The following NAV2 variants were observed in gnomAD, a reference collection of about 807,000 sequenced individuals.
NAV2 encodes neuron navigator 2.
In NAV2, 54 loss-of-function variants were observed where a neutral mutation model predicts 223.2. That is an observed-to-expected ratio of 0.24 (90% CI 0.19 to 0.30). The LOEUF is 0.30. NAV2 is among the 10% of genes least tolerant of loss of function. The pLI is 1.00. For synonymous variants in NAV2, 1,279 were observed against 1,239.3 expected (o/e 1.03, Z -0.67); for missense variants, 2,806 against 3,147.5 (o/e 0.89, Z 2.60).
At chr11:20,115,051 T>C (rs1322350660) in intron 37 of NAV2, among the ~76,000 whole-genome samples, 1 of 152,188 alleles carries the variant, frequency 6.6e-6, no homozygotes, top group Non-Finnish European at 1.5e-5. Context: ...AATGTTCTTA[T>C]ACCTACTGTC....
chr11:19,440,711 T>C (rs1400717071), intron 1 of NAV2, among the ~76,000 whole-genome samples: 1 of 152,124 alleles, frequency 6.6e-6, no homozygotes, highest in African/African-American at 2.4e-5. Context: ...TGAACCTGAC[T>C]GCCCAGTCTA....
chr11:19,952,322 G>A (rs1366977334), intron 10 of NAV2, among the ~76,000 whole-genome samples: 1 of 152,174 alleles, frequency 6.6e-6, no homozygotes, highest in Non-Finnish European at 1.5e-5. Flanking sequence ...GTGACGTTAG[G>A]CATGTCATTT....
rs574100013 is a variant in NAV2, at chr11:19,871,423, G to T, written c.511+2426G>T. 4.6e-5 allele frequency among the ~76,000 whole-genome samples: 7 copies of T among 152,222 alleles called. No homozygotes were observed. In the South Asian group the frequency reaches 6.2e-4, roughly 14 times the overall value. ...CCCCTTCCCATGTTCTTGTGCCAGAGCCCCCAGGATTGAGGCAGCACAGAG... is the reference window on the plus strand; with the variant it reads ...CCCCTTCCCATGTTCTTGTGCCAGATCCCCCAGGATTGAGGCAGCACAGAG... On this transcript the variant is annotated intron_variant, in intron 4 of 37. Coordinates refer to ENST00000349880, the MANE Select transcript of NAV2 (RefSeq NM_145117.5).
At chr11:19,436,154 T>C (rs1386664968) in intron 1 of NAV2, among the ~76,000 whole-genome samples, 2 of 152,306 alleles carry the variant, frequency 1.3e-5, no homozygotes, top group African/African-American at 4.8e-5. Context: ...ACAAGCATCA[T>C]AGAGCTTTTC....
At chr11:19,603,152 G>A (rs2046391990) in intron 1 of NAV2, among the ~76,000 whole-genome samples, 1 of 152,212 alleles carries the variant, frequency 6.6e-6, no homozygotes, top group Non-Finnish European at 1.5e-5. Flanking sequence ...GGGCAGCAGG[G>A]AGGTCCACTG....
intron 26 of NAV2, 107 bp downstream of exon 26, chr11:20,083,286 A>G: frequency 2.2e-6 from 2 of 895,470 alleles, no homozygotes; most frequent in Non-Finnish European, 3.4e-6. Context: ...GGGATCCTTT[A>G]TGCTTTGCTT....
chr11:19,946,929 A>G (rs915874561), intron 9 of NAV2, among the ~76,000 whole-genome samples: 1 of 152,252 alleles, frequency 6.6e-6, no homozygotes, highest in Non-Finnish European at 1.5e-5. Context: ...TACATAAAAC[A>G]TGTAAGGAAA....
At chr11:19,512,417 C>G (rs2043308289) in intron 1 of NAV2, among the ~76,000 whole-genome samples, 1 of 152,140 alleles carries the variant, frequency 6.6e-6, no homozygotes, top group East Asian at 1.9e-4. Context: ...GTAAATGCCT[C>G]CGAGGTGCCA....
chr11:19,933,459 G>A lies in NAV2; in HGVS notation c.1215G>A (p.Leu405=). 1 of 1,606,042 alleles carries A rather than the reference G, an allele frequency of 6.2e-7. No homozygotes were observed. Among genetic ancestry groups the A allele is most frequent in the Non-Finnish European group, 8.5e-7 (1 of 1,176,448 alleles). ...PNNQKSMLEK[L]KLFNSKGGSK... is the part of the protein sequence containing the mutation. ...ATCAGAAGTCCATGCTGGAAAAGCT[G>A]AAACTTTTCAACAGTAAAGGGGGCT... is the stretch of plus-strand genomic sequence containing the variant. Residue 405 remains leucine (L), a synonymous_variant, in exon 7 of 38, where the codon CTG becomes CTA. Coordinates refer to ENST00000349880, the MANE Select transcript of NAV2 (RefSeq NM_145117.5). This position sits in a 1 kb window ranked among gnomAD's most constrained non-coding sequence, Gnocchi z 4.3.
At chr11:19,661,570 C>T (rs2048283816) in intron 1 of NAV2, among the ~76,000 whole-genome samples, 1 of 152,100 alleles carries the variant, frequency 6.6e-6, no homozygotes, top group South Asian at 2.1e-4. Context: ...GGATTGTAAT[C>T]CTGGCTTTGT....
intron 1 of NAV2, among the ~76,000 whole-genome samples, chr11:19,773,842 C>T (rs555899920): frequency 5.3e-5 from 8 of 152,316 alleles, no homozygotes; most frequent in South Asian, 2.1e-4. Context: ...CAACAGACAT[C>T]TAATTGGTCT....
intron 4 of NAV2, among the ~76,000 whole-genome samples, chr11:19,870,554 T>C (rs967021548): frequency 3.3e-5 from 5 of 152,066 alleles, no homozygotes; most frequent in Non-Finnish European, 7.3e-5. Context: ...CATCTACCCA[T>C]TGGCCTGACT....
intron 1 of NAV2, among the ~76,000 whole-genome samples, chr11:19,716,754 CTA>C (rs2050346956): frequency 6.6e-6 from 1 of 152,148 alleles, no homozygotes; most frequent in Non-Finnish European, 1.5e-5. Flanking sequence ...CATCCATTTT[CTA>C]TGACAGTAAC....
At chr11:19,891,082 C>G (rs1331028290) in intron 5 of NAV2, among the ~76,000 whole-genome samples, 1 of 152,200 alleles carries the variant, frequency 6.6e-6, no homozygotes, top group Non-Finnish European at 1.5e-5. Flanking sequence ...TCTGTTTACT[C>G]TACAACCATC....
At chr11:19,967,554 A>G (rs2048877607) in intron 10 of NAV2, among the ~76,000 whole-genome samples, 1 of 152,220 alleles carries the variant, frequency 6.6e-6, no homozygotes, top group Non-Finnish European at 1.5e-5. Context: ...GGTGGAAGTT[A>G]GACAGGTTTT....
intron 1 of NAV2, among the ~76,000 whole-genome samples, chr11:19,600,694 G>A (rs1291436222): frequency 2.6e-5 from 4 of 152,172 alleles, no homozygotes; most frequent in Non-Finnish European, 5.9e-5. Context: ...GATAACAATA[G>A]TAACTACTTT....
chr11:19,352,353 G>A (rs1837759493), intron 1 of NAV2, among the ~76,000 whole-genome samples: 1 of 152,228 alleles, frequency 6.6e-6, no homozygotes, highest in African/African-American at 2.4e-5. Flanking sequence ...GACACTTAGT[G>A]GAGGAACATT....
intron 1 of NAV2, among the ~76,000 whole-genome samples, chr11:19,540,121 C>T (rs910036326): frequency 6.6e-6 from 1 of 152,166 alleles, no homozygotes; most frequent in African/African-American, 2.4e-5. Flanking sequence ...GCCCCAAAAG[C>T]CCTTTCTTTG....
At chr11:19,371,313 C>T (rs973250473) in intron 1 of NAV2, among the ~76,000 whole-genome samples, 7 of 152,126 alleles carry the variant, frequency 4.6e-5, no homozygotes, top group African/African-American at 1.7e-4. Flanking sequence ...CACTCAAATC[C>T]TTACCATTGG....
Sources: gnomAD v4.1 joint callset for allele counts (sites outside exome capture counted in the v4.1 genomes callset) on GRCh38, gnomAD v4.1.1 for gene constraint, Gnocchi (gnomAD v3.1) non-coding constraint, MANE v1.5 for transcripts, NCBI Gene and HGNC (gene_info 2026-07-23, HGNC 2026-07-21) for gene names.